The following CCDC183 variants were observed in gnomAD, a reference collection of about 807,000 sequenced individuals.
CCDC183 encodes the protein coiled-coil domain containing 183.
A neutral mutation model predicts 65.2 loss-of-function variants in CCDC183; 63 were observed. The observed-to-expected ratio is 0.97, with a 90% CI of 0.79 to 1.19. The LOEUF (loss-of-function observed/expected upper bound fraction) is 1.19. CCDC183 is among the 50% of genes most tolerant of loss of function. The pLI is 0.00. For missense variants in CCDC183, 769 were observed against 689.3 expected, an observed-to-expected ratio of 1.12 and a Z score of -1.30; for synonymous variants, 323 against 276.5, an observed-to-expected ratio of 1.17 and a Z score of -1.67.
chr9:136,799,552 G>A, intron 2 of CCDC183, 161 bp from the exon 3 acceptor site: 3 of 704,856 alleles, frequency 4.3e-6, no homozygotes, highest in Non-Finnish European at 7.1e-6. Flanking sequence ...GAACTTGGAT[G>A]GCCAGGATGG....
intron 8 of CCDC183, chr9:136,805,116 G>C: frequency 1.7e-6 from 1 of 594,438 alleles, no homozygotes; most frequent in Non-Finnish European, 3.0e-6. Flanking sequence ...CGGGCCCACA[G>C]TGCTCACAGT....
chr9:136,805,570 G>T, intron 9 of CCDC183, 113 bp downstream of exon 9: 1 of 907,594 alleles, frequency 1.1e-6, no homozygotes. Flanking sequence ...GAGCTGGGCT[G>T]GGGTCTGAGG....
rs930242820 is a variant in CCDC183 at position 136,804,135 on chromosome 9, C to T, written c.667-367C>T. ...TGCGTGAGCAGGGGTTAGCAGATGA[C>T]GGTTTTAGCTGCCCAAGGGCACGCT... On this transcript the variant is annotated intron_variant, in intron 6 of 13. Transcript: ENST00000338005. The surrounding 1 kb of genome is among the most constrained non-coding windows in gnomAD (Gnocchi z 4.1). 42 of 251,320 alleles carry T rather than the reference C, an allele frequency of 1.7e-4. No individual in the cohort carries two copies. Among genetic ancestry groups the T allele is most frequent in the Admixed American group, 9.2e-4 (19 of 20,730 alleles). 15.6% of individuals were successfully genotyped at this position (251,320 alleles called of 1,614,324 possible). A position where few individuals can be genotyped will look rare whatever the true frequency, so the allele number is the denominator to read the frequency against.
intron 6 of CCDC183, among the ~76,000 whole-genome samples, chr9:136,803,360 A>G (rs1303887046): frequency 6.6e-6 from 1 of 152,092 alleles, no homozygotes; most frequent in East Asian, 1.9e-4. Context: ...ACTGCCTACA[A>G]TCCCCAGAAG....
At position 136,806,487 on chromosome 9, in the gene CCDC183, C is replaced by A. The variant is rs771609893; in HGVS notation, c.1110-17C>A. On this transcript the variant is annotated splice_polypyrimidine_tract_variant and intron_variant, in intron 10 of 13. Transcript: ENST00000338005. ...GGCCTGTGCCCCTCACTGCTGTGTC[C>A]CTATTGCCTTCTGCAGCTTCAAGTC... 1 of 1,613,212 alleles carries A rather than the reference C, an allele frequency of 6.2e-7. No individual in the cohort carries two copies. The highest frequency in any genetic ancestry group is 1.7e-5 in the Admixed American group (1 of 60,018).
At position 136,796,473 on chromosome 9, in the gene CCDC183, C is replaced by T. The variant is rs768833109; in HGVS notation, c.70+6C>T. 1.9e-6 allele frequency: 3 copies of T among 1,553,500 alleles called. No individual in the cohort carries two copies. The highest frequency in any genetic ancestry group is 1.3e-5 in the African/African-American group (1 of 74,256). On this transcript the variant is annotated splice_donor_region_variant and intron_variant, in intron 1 of 13. Transcript: ENST00000338005. ...GACCATCACTCAGCTCCAGGGTGAG[C>T]CTGCACCGCCGTGACCAGTCTCCCT...
rs775543369 is a variant in CCDC183 at position 136,804,482 on chromosome 9, G to A, written c.667-20G>A. The A allele has an allele frequency of 1.9e-6, 3 of 1,609,176 alleles. No homozygotes were observed. Among genetic ancestry groups the A allele is most frequent in the South Asian group, 1.1e-5 (1 of 90,660 alleles). On this transcript the variant is annotated intron_variant, in intron 6 of 13. Transcript: ENST00000338005. This position sits in a 1 kb window ranked among gnomAD's most constrained non-coding sequence, Gnocchi z 4.1. ...TGTTGAGACAGCTCCCCAACCCTGT[G>A]CCCACCCGCATGTCCCCAGAGGAAC...
At chr9:136,807,276 GA>G in intron 13 of CCDC183, 3 of 642,070 alleles carry the variant, frequency 4.7e-6, no homozygotes, top group Non-Finnish European at 8.0e-6. Context: ...TAATTTCTCC[GA>G]AAGGAGGAGG....
At chr9:136,797,491 T>C (rs1588328769) in intron 1 of CCDC183, among the ~76,000 whole-genome samples, 1 of 151,816 alleles carries the variant, frequency 6.6e-6, no homozygotes. Context: ...CAGACGGCAG[T>C]GCAGTGGCGC....
intron 9 of CCDC183, 52 bp downstream of exon 9, chr9:136,805,509 A>C: frequency 1.8e-5 from 28 of 1,535,388 alleles, no homozygotes; most frequent in Non-Finnish European, 2.3e-5. Flanking sequence ...TGAGCCTCTC[A>C]CGTCTGGGTA....
rs772118361 is a variant in CCDC183, at chr9:136,806,067, G to A, written c.949-11G>A. ...GCCCACACCTGCTTCTCTCTCCCCC[G>A]GACTGGCCAGGACATCACTAGCCGC... is the stretch of plus-strand genomic sequence containing the variant. On this transcript the variant is annotated splice_polypyrimidine_tract_variant and intron_variant, in intron 9 of 13. Transcript: ENST00000338005. The A allele has an allele frequency of 8.4e-6, 13 of 1,547,882 alleles. No homozygotes were observed. The highest frequency in any genetic ancestry group is 3.9e-5 in the Admixed American group (2 of 50,910).
At position 136,804,783 on chromosome 9, in the gene CCDC183, C is replaced by T. The variant is rs376050386; in HGVS notation, c.814C>T (p.Pro272Ser). The change falls in exon 8 of 14, where the codon CCC becomes TCC. Residue 272 changes from proline to serine, a missense_variant. Coordinates refer to ENST00000338005, the MANE Select transcript of CCDC183 (RefSeq NM_001039374.5). This position sits in a 1 kb window ranked among gnomAD's most constrained non-coding sequence, Gnocchi z 4.1. ...TCAGGGCCAGATGGACTTGGACTTC[C>T]CCTCGAACCTGATGAGCACGGAGAC... is the stretch of plus-strand genomic sequence containing the variant. Reference protein sequence around the residue: ...YRRGQMDLDFPSNLMSTETLK... With the variant: ...YRRGQMDLDFSSNLMSTETLK... 5.0e-6 allele frequency: 8 copies of T among 1,613,726 alleles called. No homozygotes were observed. In the African/African-American group the frequency reaches 1.1e-4, roughly 22 times the overall value.
At chr9:136,799,849 C>G (rs375978347) in intron 3 of CCDC183, 59 bp downstream of exon 3, 21 of 1,537,542 alleles carry the variant, frequency 1.4e-5, no homozygotes, top group Middle Eastern at 3.4e-4. Context: ...AGCACCCCCC[C>G]ACTAGATGTT....
Position 136,799,194 on chromosome 9 carries a change from G to A in CCDC183, c.163G>A (p.Gly55Arg), listed in dbSNP as rs770810721. The change falls in exon 2 of 14, where the codon GGG becomes AGG. Residue 55 changes from glycine to arginine, a missense_variant. Transcript: ENST00000338005. ...LALLRSNIRRGAQDWALAKKY... is the reference protein window; with the variant it reads ...LALLRSNIRRRAQDWALAKKY... The stretch of plus-strand genomic sequence containing the variant: ...CCTCCTGCGCAGCAACATCCGCCGC[G>A]GGGCCCAGGACTGGGCTTTGGCCAA... 15 of 1,610,236 alleles carry A rather than the reference G, an allele frequency of 9.3e-6. No individual in the cohort carries two copies. The highest frequency in any genetic ancestry group is 4.5e-5 in the East Asian group (2 of 44,866).
chr9:136,802,258 A>C (rs921336976), intron 5 of CCDC183, among the ~76,000 whole-genome samples: 1 of 152,148 alleles, frequency 6.6e-6, no homozygotes, highest in Non-Finnish European at 1.5e-5. Context: ...TAACTTTCCC[A>C]ATGTCACACA....
intron 1 of CCDC183, among the ~76,000 whole-genome samples, chr9:136,797,392 G>C (rs1019433206): frequency 4.6e-5 from 7 of 151,658 alleles, no homozygotes; most frequent in Non-Finnish European, 7.4e-5. Flanking sequence ...CGCATGCTGA[G>C]TGTGCCAGTC....
chr9:136,800,278 C>T (rs1428160529), intron 4 of CCDC183, 109 bp downstream of exon 4: 1 of 1,286,948 alleles, frequency 7.8e-7, no homozygotes, highest in Non-Finnish European at 1.1e-6. Flanking sequence ...GGAGGGCTCA[C>T]GGGAGGGGCG....
rs553626897 is a variant in CCDC183, at chr9:136,798,978, A to G, written c.71-124A>G. On this transcript the variant is annotated intron_variant, in intron 1 of 13. Coordinates refer to ENST00000338005, the MANE Select transcript of CCDC183 (RefSeq NM_001039374.5). ...CAGGGCGGGAGGAGGGATCTTGGCC[A>G]TGGAGGGGGCATCCCCCTGGACCCT... 1.0e-5 allele frequency: 14 copies of G among 1,336,000 alleles called. No individual in the cohort carries two copies. The South Asian group carries it at 1.8e-4, about 17-fold the overall frequency. 82.8% of individuals were successfully genotyped at this position (1,336,000 alleles called of 1,614,324 possible). A position where few individuals can be genotyped will look rare whatever the true frequency, so the allele number is the denominator to read the frequency against.
In CCDC183 at chr9:136,804,660, C is replaced by G; in HGVS notation, c.792+33C>G. On this transcript the variant is annotated intron_variant, in intron 7 of 13. Coordinates refer to ENST00000338005, the MANE Select transcript of CCDC183 (RefSeq NM_001039374.5). The surrounding 1 kb of genome is among the most constrained non-coding windows in gnomAD (Gnocchi z 4.1). ...CCAGGCCAGGGCCTGGCTGGCTGCCCATCCCCATGACAGCTGGGTGGACAC... is the reference window on the plus strand; with the variant it reads ...CCAGGCCAGGGCCTGGCTGGCTGCCGATCCCCATGACAGCTGGGTGGACAC... The G allele has an allele frequency of 6.2e-7, 1 of 1,613,148 alleles. No homozygotes were observed. Among genetic ancestry groups the G allele is most frequent in the Non-Finnish European group, 8.5e-7 (1 of 1,179,558 alleles).
Sources: allele counts gnomAD v4.1 joint callset (sites outside exome capture counted in the v4.1 genomes callset), GRCh38; gene constraint gnomAD v4.1.1; non-coding constraint Gnocchi (gnomAD v3.1); transcripts MANE v1.5; gene names NCBI Gene and HGNC (gene_info 2026-07-23, HGNC 2026-07-21).